Variants in WDR41 observed in about 807,000 individuals in gnomAD.
The protein encoded by WDR41 is WD repeat-containing protein 41.
WDR41 carries 63 observed loss-of-function variants against 69.3 expected under a neutral mutation model. The ratio of observed to expected loss-of-function variants is 0.91; its 90% CI spans 0.74 to 1.12. The LOEUF (loss-of-function observed/expected upper bound fraction) is 1.12. WDR41 is among the 50% of genes most tolerant of loss of function. The pLI, the probability that WDR41 is intolerant of heterozygous loss-of-function variation, is 0.00. For synonymous variants in WDR41, 185 were observed against 192.1 expected (o/e 0.96, Z 0.31); for missense variants, 543 against 534.5 (o/e 1.02, Z -0.16).
At chr5:77,592,629 A>G (rs927556703) in intron 1 of WDR41, among the ~76,000 whole-genome samples, 1 of 152,186 alleles carries the variant, frequency 6.6e-6, no homozygotes, top group East Asian at 1.9e-4. Flanking sequence ...GGTGTCCAAG[A>G]GAAACCAGGA....
chr5:77,508,495 A>G (rs1802148629), intron 1 of WDR41, among the ~76,000 whole-genome samples: 1 of 152,150 alleles, frequency 6.6e-6, no homozygotes, highest in Admixed American at 6.5e-5. Context: ...ACTTCTGTAC[A>G]CATGGTTTTA....
rs1014484228 is a variant in WDR41, at chr5:77,599,524, T to C, written c.42+20955A>G. ...CTGGAAGCTCTTAATATCAGATACA[T>C]AGATAGCTACACAGACAGCTAGCTA... On this transcript the variant is annotated intron_variant, in intron 1 of 5. Transcript: ENST00000509971. Among the ~76,000 whole-genome samples the C allele has an allele frequency of 7.2e-5, 11 of 152,208 alleles. No homozygotes were observed. In the East Asian group the frequency reaches 1.7e-3, roughly 24 times the overall value.
chr5:77,500,433 G>T (rs998949019), intron 1 of WDR41, among the ~76,000 whole-genome samples: 1 of 151,936 alleles, frequency 6.6e-6, no homozygotes. Context: ...TAAGCCACTA[G>T]CAAGACTGAC....
upstream of WDR41, among the ~76,000 whole-genome samples, chr5:77,496,685 C>T (rs1437542858): frequency 6.6e-6 from 1 of 152,066 alleles, no homozygotes; most frequent in Admixed American, 6.5e-5. Context: ...ATAAATACTT[C>T]CCAAAGCAAT....
At chr5:77,591,744 G>A (rs759149675) in intron 1 of WDR41, among the ~76,000 whole-genome samples, 6 of 151,970 alleles carry the variant, frequency 3.9e-5, no homozygotes, top group Non-Finnish European at 8.8e-5. Flanking sequence ...ATTCTGCAAC[G>A]GTCAGAAAAC....
chr5:77,445,962 T>C (rs1799364370), intron 8 of WDR41, among the ~76,000 whole-genome samples: 1 of 152,110 alleles, frequency 6.6e-6, no homozygotes, highest in East Asian at 1.9e-4. Flanking sequence ...GGTATTCAAA[T>C]AGGAAGAGAG....
chr5:77,521,395 A>G (rs1182752966), intron 1 of WDR41, among the ~76,000 whole-genome samples: 8 of 152,208 alleles, frequency 5.3e-5, no homozygotes, highest in African/African-American at 1.9e-4. Flanking sequence ...CCCGGTTCCT[A>G]ACAGCAGGGT....
chr5:77,488,216 T>C (rs927046399), intron 2 of WDR41, among the ~76,000 whole-genome samples: 4 of 152,190 alleles, frequency 2.6e-5, no homozygotes, highest in Middle Eastern at 3.2e-3. Context: ...GTATAGACTA[T>C]GCCCTTCATC....
At chr5:77,548,450 A>T (rs1218905847) in intron 1 of WDR41, among the ~76,000 whole-genome samples, 1 of 152,184 alleles carries the variant, frequency 6.6e-6, no homozygotes, top group Non-Finnish European at 1.5e-5. Context: ...AAACAATCTC[A>T]TCAAAAAGTG....
intron 1 of WDR41, among the ~76,000 whole-genome samples, chr5:77,549,618 T>C (rs931958983): frequency 6.6e-6 from 1 of 152,062 alleles, no homozygotes; most frequent in Non-Finnish European, 1.5e-5. Context: ...AAAGAAATCA[T>C]AGACAACACG....
chr5:77,448,654 G>T (rs1022557445), intron 8 of WDR41, among the ~76,000 whole-genome samples: 1 of 152,032 alleles, frequency 6.6e-6, no homozygotes, highest in Non-Finnish European at 1.5e-5. Context: ...TGGATCATGA[G>T]GTCAGGAGTT....
chr5:77,543,925 A>G (rs1322339016), intron 1 of WDR41, among the ~76,000 whole-genome samples: 1 of 152,124 alleles, frequency 6.6e-6, no homozygotes, highest in Non-Finnish European at 1.5e-5. Context: ...GGTAACCCAT[A>G]AAGAAAAACC....
At chr5:77,536,413 A>AG (rs1050660847) in intron 1 of WDR41, among the ~76,000 whole-genome samples, 1 of 152,078 alleles carries the variant, frequency 6.6e-6, no homozygotes, top group Non-Finnish European at 1.5e-5. Context: ...TTAAAAAAAA[A>AG]GTAATGAAAA....
At chr5:77,600,267 C>T (rs1744299263) in intron 1 of WDR41, among the ~76,000 whole-genome samples, 1 of 152,158 alleles carries the variant, frequency 6.6e-6, no homozygotes, top group Non-Finnish European at 1.5e-5. Context: ...TGGAATACCA[C>T]TGAGCAAGAA....
chr5:77,585,831 G>C (rs1744027999), intron 1 of WDR41, among the ~76,000 whole-genome samples: 1 of 152,146 alleles, frequency 6.6e-6, no homozygotes, highest in Non-Finnish European at 1.5e-5. Context: ...GGGGAAGAAA[G>C]GGAGGAGGGC....
At chr5:77,544,323 A>ATTG (rs1743149418) in intron 1 of WDR41, among the ~76,000 whole-genome samples, 1 of 152,134 alleles carries the variant, frequency 6.6e-6, no homozygotes, top group Non-Finnish European at 1.5e-5. Context: ...CTCACATCTC[A>ATTG]ATACTAACAT....
At position 77,484,950 on chromosome 5, in the gene WDR41, T is replaced by C. The variant is rs543840080; in HGVS notation, c.167+4507A>G. Among the ~76,000 whole-genome samples the C allele has an allele frequency of 5.3e-5, 8 of 152,318 alleles. No homozygotes were observed. In the East Asian group the frequency reaches 1.3e-3, roughly 26 times the overall value. On this transcript the variant is annotated intron_variant, in intron 2 of 12. Transcript: ENST00000296679. ...AGCAAGATAGTAGAAGCCAGGTGCA[T>C]GTTCTTCATGAAGGACCCTCAGCAA...
chr5:77,433,253 G>T lies in WDR41; in HGVS notation c.1262C>A (p.Thr421Lys), dbSNP rs776842528. The change falls in exon 13 of 13, where the codon ACG becomes AAG. Residue 421 changes from threonine to lysine, a missense_variant. Transcript: ENST00000296679. ...FLYFEDHGLV[T>K]CSADHLIILW... ...AATAATGAGATGATCAGCGGAGCACGTCACTAGTCCATGATCTTCAAAGTA... is the reference window on the plus strand; with the variant it reads ...AATAATGAGATGATCAGCGGAGCACTTCACTAGTCCATGATCTTCAAAGTA... 1.2e-6 allele frequency: 2 copies of T among 1,613,764 alleles called. No homozygotes were observed. Among genetic ancestry groups the T allele is most frequent in the Non-Finnish European group, 1.7e-6 (2 of 1,179,888 alleles).
At chr5:77,612,520 T>C (rs2112343485) in intron 1 of WDR41, among the ~76,000 whole-genome samples, 1 of 152,276 alleles carries the variant, frequency 6.6e-6, no homozygotes, top group African/African-American at 2.4e-5. Flanking sequence ...ATCCAGCATA[T>C]AAACAGAACC....
Sources: gnomAD v4.1 joint callset for allele counts (sites outside exome capture counted in the v4.1 genomes callset) on GRCh38, gnomAD v4.1.1 for gene constraint, MANE v1.5 for transcripts, NCBI Gene and HGNC (gene_info 2026-07-23, HGNC 2026-07-21) for gene names.